The following GRID2 variants were observed in gnomAD, a reference collection of about 807,000 sequenced individuals.
GRID2 encodes the protein glutamate receptor ionotropic, delta-2.
In GRID2, 33 loss-of-function variants were observed where a neutral mutation model predicts 114.8. The ratio of observed to expected loss-of-function variants is 0.29; its 90% confidence interval spans 0.22 to 0.38. GRID2 has a LOEUF of 0.38. Among genes scored for constraint, GRID2 ranks in the 10% least tolerant of loss-of-function variants. GRID2 has a pLI of 1.00. For missense variants in GRID2, 1,184 were observed against 1,257.7 expected, an observed-to-expected ratio of 0.94 and a Z score of 0.89; for synonymous variants, 505 against 449.9, an observed-to-expected ratio of 1.12 and a Z score of -1.55.
At chr4:92,442,897 T>C (rs930432415) in intron 1 of GRID2, among the ~76,000 whole-genome samples, 2 of 152,036 alleles carry the variant, frequency 1.3e-5, no homozygotes, top group Non-Finnish European at 2.9e-5. Context: ...GGAGGGCTAG[T>C]CATGGAAGGA....
intron 2 of GRID2, among the ~76,000 whole-genome samples, chr4:92,919,991 T>C (rs1439715008): frequency 6.6e-6 from 1 of 152,172 alleles, no homozygotes; most frequent in Non-Finnish European, 1.5e-5. Flanking sequence ...TGTAAGTCTC[T>C]TTGTAGGTCC....
At chr4:93,272,701 A>C (rs995282159) in intron 8 of GRID2, among the ~76,000 whole-genome samples, 8 of 152,182 alleles carry the variant, frequency 5.3e-5, no homozygotes, top group African/African-American at 1.9e-4. Context: ...GTAAGAATAG[A>C]TGCCAGCAAG....
chr4:92,497,392 A>AG (rs1560671281), intron 1 of GRID2, among the ~76,000 whole-genome samples: 2 of 151,894 alleles, frequency 1.3e-5, no homozygotes, highest in African/African-American at 4.8e-5. Flanking sequence ...ATCTGAAAGA[A>AG]GGTCTGTGAA....
chr4:92,457,011 C>T (rs574778845), intron 1 of GRID2, among the ~76,000 whole-genome samples: 4 of 152,210 alleles, frequency 2.6e-5, no homozygotes, highest in Non-Finnish European at 4.4e-5. Flanking sequence ...TTTCTGTCTC[C>T]AACTTATCTT....
chr4:93,434,468 T>A (rs570514557), intron 10 of GRID2, among the ~76,000 whole-genome samples: 2 of 152,022 alleles, frequency 1.3e-5, no homozygotes, highest in Non-Finnish European at 2.9e-5. Flanking sequence ...ATAAAAAAAA[T>A]TTAAAAAAGA....
intron 11 of GRID2, among the ~76,000 whole-genome samples, chr4:93,459,669 G>T (rs1723555941): frequency 6.6e-6 from 1 of 152,094 alleles, no homozygotes; most frequent in South Asian, 2.1e-4. Context: ...CCAATATGCT[G>T]ATGACTCCCA....
At position 93,626,559 on chromosome 4, in the gene GRID2, A is replaced by G. The variant is rs560556394; in HGVS notation, c.2360+124A>G. 5.5e-5 allele frequency: 33 copies of G among 598,008 alleles called. No individual in the cohort carries two copies. In the Admixed American group the frequency reaches 9.4e-4, roughly 17 times the overall value. 37.0% of individuals were successfully genotyped at this position (598,008 alleles called of 1,614,324 possible). On this transcript the variant is annotated intron_variant, in intron 14 of 15. Coordinates refer to ENST00000282020, the MANE Select transcript of GRID2 (RefSeq NM_001510.4). ...GTTAGGAGAAGCACAATAAACAACA[A>G]CAACAAAAAAGATAGTTATAAGTAG...
chr4:92,911,676 T>G (rs969192412), intron 2 of GRID2, among the ~76,000 whole-genome samples: 46 of 152,098 alleles, frequency 3.0e-4, no homozygotes, highest in African/African-American at 9.1e-4. Flanking sequence ...TCTGTGGTTT[T>G]CTTTTTTAAA....
At chr4:93,788,017 T>A (rs1287005420) in intron 1 of GRID2, among the ~76,000 whole-genome samples, 2 of 152,028 alleles carry the variant, frequency 1.3e-5, no homozygotes, top group African/African-American at 2.4e-5. Flanking sequence ...AGCAAGACAT[T>A]GACAATGTAA....
At chr4:93,673,076 T>C (rs975202534) in intron 14 of GRID2, among the ~76,000 whole-genome samples, 2 of 152,206 alleles carry the variant, frequency 1.3e-5, no homozygotes, top group Admixed American at 6.5e-5. Flanking sequence ...GAGACTGAAG[T>C]ACACTACACA....
chr4:93,541,223 C>T (rs975049809), intron 13 of GRID2, among the ~76,000 whole-genome samples: 5 of 152,082 alleles, frequency 3.3e-5, no homozygotes, highest in African/African-American at 1.2e-4. Context: ...TACATGCGGA[C>T]AGTAAATCCC....
At chr4:93,137,887 C>G (rs2149382636) in intron 4 of GRID2, among the ~76,000 whole-genome samples, 1 of 149,048 alleles carries the variant, frequency 6.7e-6, no homozygotes, top group Non-Finnish European at 1.5e-5. Context: ...CTTTCAGAAA[C>G]TCTTCATGTA....
At chr4:92,934,190 G>C (rs1161662633) in intron 2 of GRID2, among the ~76,000 whole-genome samples, 2 of 151,482 alleles carry the variant, frequency 1.3e-5, no homozygotes, top group Admixed American at 1.3e-4. Context: ...CCATTTCTTT[G>C]TATCCTCTTT....
At chr4:93,793,578 C>T (rs780095388) in intron 1 of GRID2, among the ~76,000 whole-genome samples, 2 of 152,126 alleles carry the variant, frequency 1.3e-5, no homozygotes, top group Non-Finnish European at 2.9e-5. Flanking sequence ...ATTTAACATG[C>T]ATTCTCTCTA....
chr4:92,883,038 T>C (rs1259829438), intron 2 of GRID2, among the ~76,000 whole-genome samples: 2 of 152,206 alleles, frequency 1.3e-5, no homozygotes, highest in East Asian at 3.9e-4. Flanking sequence ...GATTTCTCTT[T>C]AGCATGTCAT....
chr4:92,867,813 A>T (rs1046415372), intron 2 of GRID2, among the ~76,000 whole-genome samples: 1 of 152,140 alleles, frequency 6.6e-6, no homozygotes, highest in Non-Finnish European at 1.5e-5. Flanking sequence ...AGCTATTCAA[A>T]TGTGTTTGGA....
intron 14 of GRID2, 61 bp from the exon 15 acceptor site, chr4:93,769,149 G>T: frequency 1.3e-6 from 2 of 1,565,144 alleles, no homozygotes; most frequent in South Asian, 2.3e-5. Flanking sequence ...AAATGGATGT[G>T]TTGTGAACCA....
chr4:92,369,400 C>A (rs180729446), intron 1 of GRID2, among the ~76,000 whole-genome samples: 6 of 152,212 alleles, frequency 3.9e-5, no homozygotes, highest in Admixed American at 3.9e-4. Context: ...ATATTGTAAT[C>A]AAGCAAATAC....
intron 9 of GRID2, among the ~76,000 whole-genome samples, chr4:93,399,113 A>G (rs1341753324): frequency 6.6e-6 from 1 of 151,942 alleles, no homozygotes; most frequent in Non-Finnish European, 1.5e-5. Context: ...GTTGTCACCT[A>G]AACGCAACCT....
Sources: gnomAD v4.1 joint callset for allele counts (sites outside exome capture counted in the v4.1 genomes callset) on GRCh38, gnomAD v4.1.1 for gene constraint, MANE v1.5 for transcripts, NCBI Gene and HGNC (gene_info 2026-07-23, HGNC 2026-07-21) for gene names.